Variants in UMAD1 observed in about 807,000 individuals in gnomAD.
UMAD1 encodes UBAP1-MVB12-associated (UMA) domain containing 1, also known as UBAP1-MVB12-associated (UMA)-domain containing protein 1.
Under a neutral mutation model 6.1 loss-of-function variants are expected in UMAD1, and 8 were observed. The ratio of observed to expected loss-of-function variants is 1.30; its 90% confidence interval spans 0.76 to 2.35. UMAD1 has a LOEUF of 2.35. Ranked by LOEUF, UMAD1 falls within the 30% of genes most tolerant of loss-of-function variation. The pLI is 0.00. For missense variants in UMAD1, 130 were observed against 78.4 expected, an observed-to-expected ratio of 1.66 and a Z score of -2.49; for synonymous variants, 56 against 31.4, an observed-to-expected ratio of 1.78 and a Z score of -2.61.
At chr7:7,686,346 G>A (rs899512816) in intron 2 of UMAD1, among the ~76,000 whole-genome samples, 2 of 152,136 alleles carry the variant, frequency 1.3e-5, no homozygotes, top group Non-Finnish European at 2.9e-5. Flanking sequence ...TCAAATGTTA[G>A]AATGTTATCC....
At chr7:7,743,435 A>C (rs1781513006) in intron 2 of UMAD1, among the ~76,000 whole-genome samples, 1 of 152,120 alleles carries the variant, frequency 6.6e-6, no homozygotes, top group African/African-American at 2.4e-5. Flanking sequence ...AAAATTTATA[A>C]ATTATAACAT....
At chr7:7,688,958 ATACT>A (rs1338182767) in intron 2 of UMAD1, among the ~76,000 whole-genome samples, 1 of 152,208 alleles carries the variant, frequency 6.6e-6, no homozygotes, top group East Asian at 1.9e-4. Context: ...GATTTAAATT[ATACT>A]TACTTTATTT....
intron 2 of UMAD1, chr7:7,741,997 A>T (rs1239016735): frequency 3.5e-6 from 1 of 284,176 alleles, no homozygotes; most frequent in East Asian, 7.5e-5. Flanking sequence ...AAAAATTTTC[A>T]TAAATACTAT....
intron 2 of UMAD1, among the ~76,000 whole-genome samples, chr7:7,734,779 C>T (rs76287790): frequency 6.6e-6 from 1 of 152,016 alleles, no homozygotes; most frequent in African/African-American, 2.4e-5. Flanking sequence ...CTTATCATAT[C>T]TTGTGGTCTT....
At chr7:7,703,332 T>G (rs1273546874) in intron 2 of UMAD1, among the ~76,000 whole-genome samples, 1 of 152,216 alleles carries the variant, frequency 6.6e-6, no homozygotes, top group Non-Finnish European at 1.5e-5. Context: ...AAATTGATCT[T>G]TTATCAAAAT....
At chr7:7,706,656 T>C (rs1156830770) in intron 2 of UMAD1, among the ~76,000 whole-genome samples, 1 of 152,122 alleles carries the variant, frequency 6.6e-6, no homozygotes. Context: ...ACATAAGAAC[T>C]CTAAGAACTT....
intron 2 of UMAD1, among the ~76,000 whole-genome samples, chr7:7,722,600 T>A (rs1030174513): frequency 6.6e-6 from 1 of 152,192 alleles, no homozygotes; most frequent in Non-Finnish European, 1.5e-5. Flanking sequence ...AGGAAAATGA[T>A]GAATTCAGGG....
chr7:7,797,648 C>T (rs148535429), intron 2 of UMAD1, among the ~76,000 whole-genome samples: 23 of 152,096 alleles, frequency 1.5e-4, no homozygotes, highest in Admixed American at 1.5e-3. Context: ...CTCTAATGAC[C>T]ATTCCTTTCT....
At chr7:7,772,685 T>C (rs1464950418) in intron 2 of UMAD1, among the ~76,000 whole-genome samples, 1 of 152,162 alleles carries the variant, frequency 6.6e-6, no homozygotes, top group Non-Finnish European at 1.5e-5. Flanking sequence ...TCTTCACAGA[T>C]GAATGGAGTA....
chr7:7,860,187 AATTAT>A (rs1212459679), intron 3 of UMAD1, among the ~76,000 whole-genome samples: 1 of 152,320 alleles, frequency 6.6e-6, no homozygotes, highest in African/African-American at 2.4e-5. Context: ...AAATAGTGTC[AATTAT>A]ATTCAGATTT....
intron 3 of UMAD1, among the ~76,000 whole-genome samples, chr7:7,875,406 GT>G (rs1195396747): frequency 6.6e-6 from 1 of 152,134 alleles, no homozygotes; most frequent in Non-Finnish European, 1.5e-5. Context: ...CCAGGAGCTG[GT>G]TTTTTGAAAG....
intron 1 of UMAD1, among the ~76,000 whole-genome samples, chr7:7,656,226 G>A (rs1312946986): frequency 6.6e-6 from 1 of 152,298 alleles, no homozygotes; most frequent in South Asian, 2.1e-4. Flanking sequence ...GAGGGTGGAA[G>A]TGGAGTGGAA....
chr7:7,777,517 A>AAG (rs71014713), intron 2 of UMAD1, among the ~76,000 whole-genome samples: 48,417 of 123,806 alleles, frequency 0.39, 10,197 homozygotes, highest in African/African-American at 0.51. Flanking sequence ...AAAAAAAAAA[A>AAG]AAAAAAGAAA....
intron 3 of UMAD1, among the ~76,000 whole-genome samples, chr7:7,836,655 A>G (rs1046637165): frequency 2.0e-5 from 3 of 152,000 alleles, no homozygotes; most frequent in African/African-American, 7.2e-5. Context: ...TATAATGATC[A>G]TGAGAATTAA....
At chr7:7,711,711 A>G (rs901206908) in intron 2 of UMAD1, among the ~76,000 whole-genome samples, 15 of 152,126 alleles carry the variant, frequency 9.9e-5, no homozygotes, top group African/African-American at 3.1e-4. Context: ...TAAAAAGTTG[A>G]TTCTAAGGGG....
At chr7:7,727,026 A>G (rs1434611257) in intron 2 of UMAD1, among the ~76,000 whole-genome samples, 4 of 152,134 alleles carry the variant, frequency 2.6e-5, no homozygotes, top group African/African-American at 4.8e-5. Context: ...AATGGCCAAG[A>G]CCCTTCAATA....
chr7:7,793,800 G>A (rs1014781041), intron 2 of UMAD1, among the ~76,000 whole-genome samples: 2 of 152,174 alleles, frequency 1.3e-5, no homozygotes, highest in Non-Finnish European at 2.9e-5. Flanking sequence ...CTTCCGAAGA[G>A]TCAGATGAAA....
At chr7:7,681,134 C>T (rs1779901183) in intron 2 of UMAD1, among the ~76,000 whole-genome samples, 1 of 152,138 alleles carries the variant, frequency 6.6e-6, no homozygotes, top group Admixed American at 6.6e-5. Context: ...TCAATATGGA[C>T]ACCACAGAAT....
chr7:7,818,253 A>G (rs1405380241), intron 3 of UMAD1, among the ~76,000 whole-genome samples: 1 of 152,144 alleles, frequency 6.6e-6, no homozygotes, highest in Non-Finnish European at 1.5e-5. Context: ...CTGTTCCTGC[A>G]TTAGTTTGCT....
Sources: allele counts gnomAD v4.1 joint callset (sites outside exome capture counted in the v4.1 genomes callset), GRCh38; gene constraint gnomAD v4.1.1; transcripts MANE v1.5; gene names NCBI Gene and HGNC (gene_info 2026-07-23, HGNC 2026-07-21).